TENT4B: variants seen among roughly 807,000 people sequenced by gnomAD.
TENT4B encodes the protein terminal nucleotidyltransferase 4B.
In TENT4B, 10 loss-of-function variants were observed where a neutral mutation model predicts 75.0. The observed-to-expected ratio is 0.13, with a 90% CI of 0.08 to 0.23. The LOEUF (loss-of-function observed/expected upper bound fraction) is 0.23, where lower values mean the gene tolerates loss of function less well. TENT4B is among the 10% of genes least tolerant of loss of function. The probability of loss-of-function intolerance (pLI) is 1.00; values close to 1 mark genes in which losing one functional copy is unlikely to be tolerated. For missense variants in TENT4B, 579 were observed against 893.8 expected (o/e 0.65, Z 4.49); for synonymous variants, 350 against 357.7 (o/e 0.98, Z 0.24).
At chr16:50,156,644 T>C (rs2037906803) in intron 1 of TENT4B, among the ~76,000 whole-genome samples, 2 of 151,520 alleles carry the variant, frequency 1.3e-5, no homozygotes, top group Non-Finnish European at 1.5e-5. Flanking sequence ...GTGCCCGGCC[T>C]CATTATCCTG....
intron 1 of TENT4B, among the ~76,000 whole-genome samples, chr16:50,173,991 G>A (rs1042953322): frequency 1.3e-5 from 2 of 152,110 alleles, no homozygotes; most frequent in Admixed American, 1.3e-4. Flanking sequence ...ACTGCGCCTG[G>A]CTTTCATCTG....
chr16:50,184,591 C>T (rs1325286425), intron 1 of TENT4B, among the ~76,000 whole-genome samples: 1 of 152,034 alleles, frequency 6.6e-6, no homozygotes, highest in Non-Finnish European at 1.5e-5. Context: ...GGCGTAAACC[C>T]GGGAGGCGGA....
chr16:50,167,781 C>T (rs949620138), intron 1 of TENT4B, among the ~76,000 whole-genome samples: 12 of 152,212 alleles, frequency 7.9e-5, no homozygotes, highest in African/African-American at 2.6e-4. Context: ...CTTCAGCACC[C>T]GAGTAGCTCG....
At chr16:50,197,168 A>T (rs2030323607) in intron 1 of TENT4B, among the ~76,000 whole-genome samples, 1 of 152,210 alleles carries the variant, frequency 6.6e-6, no homozygotes, top group African/African-American at 2.4e-5. Context: ...AACTTGGAAT[A>T]TAAAGGTGTT....
chr16:50,178,678 T>G (rs74250734), intron 1 of TENT4B, among the ~76,000 whole-genome samples: 10,850 of 152,264 alleles, frequency 0.071, 500 homozygotes, highest in Admixed American at 0.13. Context: ...CAGATCATTA[T>G]GCTAAATGAG....
intron 1 of TENT4B, among the ~76,000 whole-genome samples, chr16:50,207,902 G>A (rs1186175423): frequency 6.6e-6 from 1 of 152,208 alleles, no homozygotes; most frequent in Non-Finnish European, 1.5e-5. Context: ...GCAAGGCACT[G>A]TGCCAGTAAA....
Position 50,176,092 on chromosome 16 carries a change from CT to C in TENT4B, c.638+21847del, listed in dbSNP as rs145212628. On this transcript the variant is annotated intron_variant, in intron 1 of 11. Coordinates refer to ENST00000561678, the MANE Select transcript of TENT4B (RefSeq NM_001365324.3). ...GGCACTCAGCCCAGCCAATATAATT[CT>C]TTTTTTTTTTTTTGAGACAGTCTTA... Among the ~76,000 whole-genome samples, 484 of 139,948 alleles carry C rather than the reference CT, an allele frequency of 3.5e-3. 2 individuals are homozygous for C. Among genetic ancestry groups the C allele is most frequent in the South Asian group, 8.5e-3 (37 of 4,368 alleles). 91.8% of individuals were successfully genotyped at this position (139,948 alleles called of 152,430 possible). A position where few individuals can be genotyped will look rare whatever the true frequency, so the allele number is the denominator to read the frequency against.
At chr16:50,160,139 C>T (rs527998591) in intron 1 of TENT4B, among the ~76,000 whole-genome samples, 4 of 152,138 alleles carry the variant, frequency 2.6e-5, no homozygotes, top group African/African-American at 4.8e-5. Context: ...CTCAAATGAT[C>T]TGCCTGCCTT....
rs1380542756 is a variant in TENT4B, at chr16:50,232,102, TA to T, written c.*2775del. 6 of 985,326 alleles carry T rather than the reference TA, an allele frequency of 6.1e-6. No individual in the cohort carries two copies. In the Admixed American group the frequency reaches 1.8e-4, roughly 30 times the overall value. The allele number at this position is 985,326 out of a possible 1,614,324, so 61.0% of individuals were successfully genotyped here. A position where few individuals can be genotyped will look rare whatever the true frequency, so the allele number is the denominator to read the frequency against. ...ATATTAATATTTAAAGACTGTTTTT[TA>T]GAGGAGCTGATGGGTTGGTGAGGTG... On this transcript the variant is annotated 3_prime_UTR_variant, in exon 12 of 12. Transcript: ENST00000561678.
At position 50,231,829 on chromosome 16, in the gene TENT4B, T is replaced by C; in HGVS notation, c.*2501T>C. 2 of 985,182 alleles carry C rather than the reference T, an allele frequency of 2.0e-6. No individual in the cohort carries two copies. The highest frequency in any genetic ancestry group is 9.4e-5 in the South Asian group (2 of 21,272). The allele number at this position is 985,182 out of a possible 1,614,324, so 61.0% of individuals were successfully genotyped here. ...TGAAGTAAAATACTTTCAAGAACTT[T>C]TAGTTTGCCTGCTCATTTGTTTTAT... On this transcript the variant is annotated 3_prime_UTR_variant, in exon 12 of 12. Transcript: ENST00000561678.
intron 1 of TENT4B, 124 bp downstream of exon 1, chr16:50,154,383 T>C: frequency 1.5e-6 from 2 of 1,317,114 alleles, no homozygotes; most frequent in Non-Finnish European, 1.9e-6. Context: ...TCGCTGCTGT[T>C]GCACGGGGGT....
intron 7 of TENT4B, among the ~76,000 whole-genome samples, chr16:50,223,803 G>A (rs1447896502): frequency 6.6e-6 from 1 of 152,104 alleles, no homozygotes; most frequent in African/African-American, 2.4e-5. Flanking sequence ...TGAGCAGAAG[G>A]GTGCAAGGAG....
chr16:50,232,425 A>G lies in TENT4B; in HGVS notation c.*3097A>G, dbSNP rs556926956. The G allele has an allele frequency of 6.1e-6, 6 of 985,220 alleles. No homozygotes were observed. The highest frequency in any genetic ancestry group is 7.2e-6 in the Non-Finnish European group (6 of 829,932). 61.0% of individuals were successfully genotyped at this position (985,220 alleles called of 1,614,324 possible). On this transcript the variant is annotated 3_prime_UTR_variant, in exon 12 of 12. Coordinates refer to ENST00000561678, the MANE Select transcript of TENT4B (RefSeq NM_001365324.3). ...TAGGTTATTTGATTTGGCTCCAGAT[A>G]TTCCTAGATCTGCACAGGGCAAAAC...
intron 1 of TENT4B, among the ~76,000 whole-genome samples, chr16:50,172,380 A>C (rs1308590543): frequency 4.6e-5 from 7 of 152,128 alleles, no homozygotes; most frequent in Non-Finnish European, 1.0e-4. Flanking sequence ...ACAGGACATG[A>C]AACCCACCTG....
intron 1 of TENT4B, among the ~76,000 whole-genome samples, chr16:50,179,069 T>G (rs1056027479): frequency 2.0e-5 from 3 of 152,140 alleles, no homozygotes. Flanking sequence ...CTTTAAAAAT[T>G]TACTTTATTC....
At chr16:50,163,248 C>G (rs1489721343) in intron 1 of TENT4B, among the ~76,000 whole-genome samples, 1 of 152,058 alleles carries the variant, frequency 6.6e-6, no homozygotes, top group Non-Finnish European at 1.5e-5. Flanking sequence ...GGAACTTGGA[C>G]TTAATAAAGT....
rs914753559 is a variant in TENT4B at position 50,220,526 on chromosome 16, C to G, written c.1039-1780C>G. ...AACTGTATCTAGACTGACTTAACCA[C>G]CATGTTTTGTTTTGTTTTTTGAGAC... On this transcript the variant is annotated intron_variant, in intron 5 of 11. Transcript: ENST00000561678. Among the ~76,000 whole-genome samples the G allele has an allele frequency of 4.6e-5, 7 of 151,688 alleles. No individual in the cohort carries two copies. In the East Asian group the frequency reaches 1.4e-3, roughly 30 times the overall value.
chr16:50,187,341 G>A (rs1007908544), intron 1 of TENT4B, among the ~76,000 whole-genome samples: 3 of 152,240 alleles, frequency 2.0e-5, no homozygotes, highest in African/African-American at 7.2e-5. Context: ...CCACTACTTG[G>A]GGAGGCCGAG....
At chr16:50,204,322 GT>G (rs2030826166) in intron 1 of TENT4B, among the ~76,000 whole-genome samples, 1 of 152,130 alleles carries the variant, frequency 6.6e-6, no homozygotes, top group Non-Finnish European at 1.5e-5. Context: ...TTGTTTTTTG[GT>G]TTTGGGAACA....
Sources: allele counts gnomAD v4.1 joint callset (sites outside exome capture counted in the v4.1 genomes callset), GRCh38; gene constraint gnomAD v4.1.1; transcripts MANE v1.5; gene names NCBI Gene and HGNC (gene_info 2026-07-23, HGNC 2026-07-21).